CNTNAP2: variants seen among roughly 807,000 people sequenced by gnomAD.
The protein encoded by CNTNAP2 is contactin associated protein 2, also known as contactin-associated protein-like 2.
Under a neutral mutation model 155.2 loss-of-function variants are expected in CNTNAP2, and 98 were observed. The ratio of observed to expected loss-of-function variants is 0.63; its 90% CI spans 0.54 to 0.75. The LOEUF (loss-of-function observed/expected upper bound fraction) is 0.75, where lower values mean the gene tolerates loss of function less well. Among genes scored for constraint, CNTNAP2 ranks in the 30% least tolerant of loss-of-function variants. CNTNAP2 has a pLI of 0.00. For missense variants in CNTNAP2, 1,727 were observed against 1,688.1 expected (o/e 1.02, Z -0.40); for synonymous variants, 651 against 631.2 (o/e 1.03, Z -0.47).
At chr7:146,396,812 A>G (rs1795635090) in intron 1 of CNTNAP2, among the ~76,000 whole-genome samples, 1 of 151,730 alleles carries the variant, frequency 6.6e-6, no homozygotes, top group Non-Finnish European at 1.5e-5. Context: ...TTAAATATAT[A>G]TTAGGTAACT....
intron 16 of CNTNAP2, among the ~76,000 whole-genome samples, chr7:148,122,236 C>T (rs573513649): frequency 6.6e-6 from 1 of 152,302 alleles, no homozygotes; most frequent in East Asian, 1.9e-4. Context: ...TGACCCCAAA[C>T]ATTATGTGTC....
intron 1 of CNTNAP2, among the ~76,000 whole-genome samples, chr7:146,769,285 C>T (rs1474205239): frequency 6.6e-6 from 1 of 152,212 alleles, no homozygotes; most frequent in Non-Finnish European, 1.5e-5. Context: ...TTTTCTTTCG[C>T]TCCTTCCCTC....
At position 146,389,703 on chromosome 7, in the gene CNTNAP2, C is replaced by CTT. The variant is rs750823074; in HGVS notation, c.97+272744_97+272745dup. On this transcript the variant is annotated intron_variant, in intron 1 of 23. Coordinates refer to ENST00000361727, the MANE Select transcript of CNTNAP2 (RefSeq NM_014141.6). ...TTTTTTCTTTTTTCTTTTCTTTTTTCTTTTTTTTTTTTTTTGAGACAGAGT... is the reference window on the plus strand; with the variant it reads ...TTTTTTCTTTTTTCTTTTCTTTTTTCTTTTTTTTTTTTTTTTTGAGACAGAGT... 4.6e-3 allele frequency among the ~76,000 whole-genome samples: 589 copies of CTT among 128,986 alleles called. 11 individuals carry two copies. The highest frequency in any genetic ancestry group is 0.015 in the African/African-American group (518 of 34,368). 84.6% of individuals were successfully genotyped at this position (128,986 alleles called of 152,430 possible). A position where few individuals can be genotyped will look rare whatever the true frequency, so the allele number is the denominator to read the frequency against.
intron 13 of CNTNAP2, among the ~76,000 whole-genome samples, chr7:147,740,722 T>G (rs955968017): frequency 2.0e-5 from 3 of 152,182 alleles, no homozygotes; most frequent in Non-Finnish European, 2.9e-5. Context: ...TATTATTAAA[T>G]AAGGAAACCA....
chr7:147,933,135 T>C (rs944481994), intron 14 of CNTNAP2, among the ~76,000 whole-genome samples: 2 of 152,030 alleles, frequency 1.3e-5, no homozygotes, highest in Non-Finnish European at 2.9e-5. Context: ...GCTGGATGGC[T>C]ATTGTTTTAA....
intron 10 of CNTNAP2, 50 bp from the exon 11 acceptor site, chr7:147,485,885 A>G (rs762953139): frequency 1.9e-5 from 30 of 1,592,080 alleles, no homozygotes; most frequent in Non-Finnish European, 2.5e-5. Context: ...GGCCACTCAT[A>G]AATCTCATTT....
chr7:147,161,398 A>G (rs1334132012), intron 8 of CNTNAP2, among the ~76,000 whole-genome samples: 1 of 152,126 alleles, frequency 6.6e-6, no homozygotes, highest in Non-Finnish European at 1.5e-5. Flanking sequence ...ATTAACATAT[A>G]GATATGTTTA....
chr7:146,977,413 G>T (rs1240300215), intron 3 of CNTNAP2, among the ~76,000 whole-genome samples: 1 of 152,166 alleles, frequency 6.6e-6, no homozygotes, highest in Admixed American at 6.5e-5. Flanking sequence ...TTCCAGTAGA[G>T]AATGAAACGA....
chr7:147,168,367 G>T (rs923937977), intron 8 of CNTNAP2, among the ~76,000 whole-genome samples: 4 of 151,850 alleles, frequency 2.6e-5, no homozygotes, highest in Non-Finnish European at 5.9e-5. Context: ...GTATGTCAGA[G>T]ATTTTCAAAT....
At chr7:146,476,768 A>G (rs1796883118) in intron 1 of CNTNAP2, among the ~76,000 whole-genome samples, 1 of 152,180 alleles carries the variant, frequency 6.6e-6, no homozygotes, top group African/African-American at 2.4e-5. Flanking sequence ...AAGAAGAAAA[A>G]CTGAATACAT....
At chr7:148,024,734 A>G (rs903262883) in intron 15 of CNTNAP2, among the ~76,000 whole-genome samples, 8 of 152,200 alleles carry the variant, frequency 5.3e-5, no homozygotes, top group Admixed American at 2.6e-4. Context: ...AGAATCATCA[A>G]ATTGCATACG....
At chr7:146,911,159 G>C (rs1459243075) in intron 3 of CNTNAP2, among the ~76,000 whole-genome samples, 1 of 151,946 alleles carries the variant, frequency 6.6e-6, no homozygotes, top group East Asian at 1.9e-4. Flanking sequence ...GGATACAACA[G>C]GTGCTGGACA....
chr7:147,105,774 G>C (rs1272772404), intron 4 of CNTNAP2, among the ~76,000 whole-genome samples: 1 of 152,084 alleles, frequency 6.6e-6, no homozygotes, highest in South Asian at 2.1e-4. Context: ...ATAGATAGGT[G>C]GGAAAATATG....
intron 5 of CNTNAP2, among the ~76,000 whole-genome samples, chr7:147,110,961 A>G (rs1050661790): frequency 6.6e-5 from 10 of 152,204 alleles, no homozygotes; most frequent in Admixed American, 1.3e-4. Context: ...GCTGTCTTCC[A>G]CAATGATTGA....
At chr7:147,494,381 T>A (rs1190912230) in intron 11 of CNTNAP2, among the ~76,000 whole-genome samples, 1 of 147,354 alleles carries the variant, frequency 6.8e-6, no homozygotes, top group Non-Finnish European at 1.5e-5. Context: ...ATGACCAAGA[T>A]TAAATATAGA....
At chr7:148,219,589 C>T (rs1360342748) in intron 19 of CNTNAP2, among the ~76,000 whole-genome samples, 1 of 151,996 alleles carries the variant, frequency 6.6e-6, no homozygotes, top group Admixed American at 6.6e-5. Context: ...CTCAGCTGCT[C>T]AAAAGGCTGA....
At chr7:146,322,634 C>CTCTTTTTTTTT (rs748751758) in intron 1 of CNTNAP2, among the ~76,000 whole-genome samples, 10 of 64,964 alleles carry the variant, frequency 1.5e-4, no homozygotes, top group Admixed American at 2.7e-4. Context: ...TGTTCATTCT[C>CTCTTTTTTTTT]TTTTTTTTTT....
At chr7:147,903,162 G>A (rs1799902470) in intron 13 of CNTNAP2, among the ~76,000 whole-genome samples, 1 of 151,978 alleles carries the variant, frequency 6.6e-6, no homozygotes, top group Admixed American at 6.6e-5. Flanking sequence ...TTTGATTATG[G>A]GCATTCTTGT....
intron 1 of CNTNAP2, among the ~76,000 whole-genome samples, chr7:146,243,977 A>G (rs1257586572): frequency 6.6e-6 from 1 of 152,044 alleles, no homozygotes; most frequent in Non-Finnish European, 1.5e-5. Context: ...AGAGTGGGAG[A>G]GATTAAGCTG....
Sources: allele counts gnomAD v4.1 joint callset (sites outside exome capture counted in the v4.1 genomes callset), GRCh38; gene constraint gnomAD v4.1.1; transcripts MANE v1.5; gene names NCBI Gene and HGNC (gene_info 2026-07-23, HGNC 2026-07-21).